Variants in CUX1 observed in about 807,000 individuals in gnomAD.
CUX1 encodes the protein protein CASP.
CUX1 carries 31 observed loss-of-function variants against 158.8 expected under a neutral mutation model. The observed-to-expected ratio is 0.20, with a 90% CI of 0.15 to 0.26. The LOEUF (loss-of-function observed/expected upper bound fraction) is 0.26. Ranked by LOEUF, CUX1 falls within the 10% of genes least tolerant of loss-of-function variation. The pLI, the probability that CUX1 is intolerant of heterozygous loss-of-function variation, is 1.00. For missense variants in CUX1, 1,589 were observed against 2,014.6 expected (o/e 0.79, Z 4.04); for synonymous variants, 879 against 862.1 (o/e 1.02, Z -0.34).
Position 102,252,534 on chromosome 7 carries a change from G to T in CUX1, c.*3492G>T, listed in dbSNP as rs1191857117. The stretch of plus-strand genomic sequence containing the variant: ...CTTCTTTTTGTTAATTGGAGGCATT[G>T]TTCATAACTTAAGGCTTTTGCCATT... On this transcript the variant is annotated 3_prime_UTR_variant, in exon 24 of 24. Coordinates refer to ENST00000292535, the MANE Select transcript of CUX1 (RefSeq NM_181552.4). 4.1e-6 allele frequency: 4 copies of T among 985,338 alleles called. No homozygotes were observed. The highest frequency in any genetic ancestry group is 3.6e-6 in the Non-Finnish European group (3 of 829,954). 61.0% of individuals were successfully genotyped at this position (985,338 alleles called of 1,614,324 possible).
chr7:102,009,366 C>T (rs1194296367), intron 2 of CUX1, among the ~76,000 whole-genome samples: 4 of 152,200 alleles, frequency 2.6e-5, no homozygotes, highest in Admixed American at 2.0e-4. Context: ...GGCCGCACAG[C>T]ACCCTAATGT....
intron 2 of CUX1, among the ~76,000 whole-genome samples, chr7:101,955,789 G>T (rs1809692739): frequency 6.6e-6 from 1 of 152,122 alleles, no homozygotes. Flanking sequence ...CTAGGGATTT[G>T]TAGCCACCTT....
intron 2 of CUX1, among the ~76,000 whole-genome samples, chr7:101,982,515 C>T (rs757199838): frequency 1.3e-5 from 2 of 152,102 alleles, no homozygotes; most frequent in Admixed American, 6.6e-5. Flanking sequence ...CAACCTCTGC[C>T]TCCCAGGCTT....
At chr7:101,895,217 C>T (rs925080228) in intron 1 of CUX1, among the ~76,000 whole-genome samples, 2 of 152,104 alleles carry the variant, frequency 1.3e-5, no homozygotes, top group African/African-American at 2.4e-5. Flanking sequence ...GACGGGGTTT[C>T]GCCATTTTGG....
At chr7:101,914,963 G>A (rs915226085) in intron 1 of CUX1, among the ~76,000 whole-genome samples, 3 of 152,118 alleles carry the variant, frequency 2.0e-5, no homozygotes, top group African/African-American at 7.2e-5. Context: ...GCTGGGTGGT[G>A]GGGGGTGGAG....
chr7:102,149,789 AGGGGATTCC>A (rs1330514965), intron 8 of CUX1, among the ~76,000 whole-genome samples: 1 of 152,128 alleles, frequency 6.6e-6, no homozygotes, highest in Non-Finnish European at 1.5e-5. Context: ...CCCCGAGTTA[AGGGGATTCC>A]AGACCTAGAG....
chr7:101,967,637 G>A (rs762620895), intron 2 of CUX1, among the ~76,000 whole-genome samples: 13 of 152,284 alleles, frequency 8.5e-5, no homozygotes, highest in East Asian at 1.9e-4. Flanking sequence ...TAGCAGAATC[G>A]TTTAATTAAA....
chr7:101,993,056 G>A (rs1020731723), intron 2 of CUX1, among the ~76,000 whole-genome samples: 36 of 152,260 alleles, frequency 2.4e-4, no homozygotes, highest in Admixed American at 1.5e-3. Flanking sequence ...TGGGCCAGGC[G>A]TTGTGGTTCA....
At chr7:102,202,507 C>T (rs1275218408) in intron 18 of CUX1, among the ~76,000 whole-genome samples, 1 of 152,044 alleles carries the variant, frequency 6.6e-6, no homozygotes, top group Non-Finnish European at 1.5e-5. Context: ...GGAAGGACAC[C>T]AAGGCTTGGG....
At chr7:102,064,635 C>G (rs1017688574) in intron 3 of CUX1, among the ~76,000 whole-genome samples, 1 of 152,242 alleles carries the variant, frequency 6.6e-6, no homozygotes, top group Non-Finnish European at 1.5e-5. Context: ...TCCTCCCTCC[C>G]TCCCACGGAT....
chr7:102,255,313 A>G lies in CUX1; in HGVS notation c.*6271A>G. Reference sequence around the variant, plus strand: ...GATGAAGTGACATTTAGCTTTAACAAGACATTTCCAAAGCGCCTAGTCTCC... The same window carrying G: ...GATGAAGTGACATTTAGCTTTAACAGGACATTTCCAAAGCGCCTAGTCTCC... On this transcript the variant is annotated 3_prime_UTR_variant, in exon 24 of 24. Transcript: ENST00000292535. 1 of 984,866 alleles carries G rather than the reference A, an allele frequency of 1.0e-6. No homozygotes were observed. The highest frequency in any genetic ancestry group is 1.2e-6 in the Non-Finnish European group (1 of 829,880). The allele number at this position is 984,866 out of a possible 1,614,324, so 61.0% of individuals were successfully genotyped here. A position where few individuals can be genotyped will look rare whatever the true frequency, so the allele number is the denominator to read the frequency against.
At chr7:102,190,457 G>C (rs536629551) in intron 12 of CUX1, among the ~76,000 whole-genome samples, 2 of 152,034 alleles carry the variant, frequency 1.3e-5, no homozygotes, top group African/African-American at 2.4e-5. Context: ...GAGCTCCCAG[G>C]TCCTGGTCTT....
At chr7:101,958,101 G>A (rs1809988553) in intron 2 of CUX1, among the ~76,000 whole-genome samples, 1 of 152,184 alleles carries the variant, frequency 6.6e-6, no homozygotes, top group Admixed American at 6.5e-5. Context: ...GCTGTTATTA[G>A]TGGAAATATT....
At chr7:101,862,003 T>A (rs1797509440) in intron 1 of CUX1, among the ~76,000 whole-genome samples, 1 of 151,928 alleles carries the variant, frequency 6.6e-6, no homozygotes, top group South Asian at 2.1e-4. Flanking sequence ...CCCGGCAAAT[T>A]TTTATATTTT....
intron 17 of CUX1, chr7:102,275,440 T>G (rs1554547553): frequency 8.6e-7 from 1 of 1,165,492 alleles, no homozygotes; most frequent in Non-Finnish European, 1.2e-6. Context: ...AGGAGAGAGA[T>G]GTGGCACAGA....
chr7:101,934,074 GT>G (rs1183884351), intron 2 of CUX1, among the ~76,000 whole-genome samples: 1 of 152,194 alleles, frequency 6.6e-6, no homozygotes, highest in Admixed American at 6.5e-5. Context: ...ATCACAGCCT[GT>G]TGAAATCCCT....
At chr7:102,258,592 T>C (rs1554542861), downstream of CUX1, among the ~76,000 whole-genome samples, 3 of 152,312 alleles carry the variant, frequency 2.0e-5, no homozygotes, top group South Asian at 2.1e-4. Context: ...CCATCTCCTG[T>C]CATATAGGCT....
intron 1 of CUX1, among the ~76,000 whole-genome samples, chr7:101,879,392 C>A (rs1321960982): frequency 1.3e-5 from 2 of 152,018 alleles, no homozygotes; most frequent in African/African-American, 4.8e-5. Context: ...TGGAATGGAC[C>A]CCTCCCTCTC....
At chr7:101,817,597 G>C (rs572414808), upstream of CUX1, 2 of 1,533,734 alleles carry the variant, frequency 1.3e-6, no homozygotes, top group South Asian at 2.4e-5. The surrounding 1 kb of genome is among the most constrained non-coding windows in gnomAD (Gnocchi z 4.1). Flanking sequence ...GTGCCAGCTC[G>C]GCGCCCGCGG....
Sources: allele counts gnomAD v4.1 joint callset (sites outside exome capture counted in the v4.1 genomes callset), GRCh38; gene constraint gnomAD v4.1.1; non-coding constraint Gnocchi (gnomAD v3.1); transcripts MANE v1.5; gene names NCBI Gene and HGNC (gene_info 2026-07-23, HGNC 2026-07-21).